Variants in PTPA observed in about 807,000 individuals in gnomAD.
The protein encoded by PTPA is serine/threonine-protein phosphatase 2A activator.
A neutral mutation model predicts 43.6 loss-of-function variants in PTPA; 13 were observed. That is an observed-to-expected ratio of 0.30 (90% CI 0.19 to 0.47). PTPA has a LOEUF of 0.47. PTPA is among the 20% of genes least tolerant of loss of function. PTPA has a pLI of 0.99. For missense variants in PTPA, 329 were observed against 411.9 expected (o/e 0.80, Z 1.74); for synonymous variants, 172 against 158.2 (o/e 1.09, Z -0.66).
intron 9 of PTPA, chr9:129,143,624 A>G: frequency 1.7e-6 from 1 of 592,712 alleles, no homozygotes; most frequent in Non-Finnish European, 3.0e-6. Flanking sequence ...TGAGGCTTGA[A>G]CTGAACAGAC....
At chr9:129,142,728 T>C (rs1315277854) in intron 9 of PTPA, 176 bp downstream of exon 9, 3 of 1,538,198 alleles carry the variant, frequency 2.0e-6, no homozygotes, top group Non-Finnish European at 2.6e-6. Context: ...ATCTGGGGCA[T>C]GGGCAGTCAG....
At chr9:129,133,105 G>A (rs1850093837) in intron 5 of PTPA, among the ~76,000 whole-genome samples, 1 of 152,210 alleles carries the variant, frequency 6.6e-6, no homozygotes, top group Admixed American at 6.5e-5. Context: ...AAATAGAGAA[G>A]GGAGGCGTTC....
chr9:129,123,189 A>C, intron 3 of PTPA, 51 bp downstream of exon 3: 2 of 1,489,990 alleles, frequency 1.3e-6, no homozygotes. Flanking sequence ...ATAGCTCCAG[A>C]GTCACTGGGT....
chr9:129,122,467 T>C (rs531822208), intron 2 of PTPA, among the ~76,000 whole-genome samples: 3 of 152,308 alleles, frequency 2.0e-5, no homozygotes, highest in South Asian at 2.1e-4. Context: ...GAGTGTCTAG[T>C]TGAAAGCTGG....
Position 129,134,704 on chromosome 9 carries a change from G to A in PTPA, c.461-91G>A, listed in dbSNP as rs1850236332. On this transcript the variant is annotated intron_variant, in intron 5 of 9. Coordinates refer to ENST00000393370, the MANE Select transcript of PTPA (RefSeq NM_178000.3). ...CATGTTGACCACCCTCCTCAGAGGG[G>A]CACTTATCAATGATTCGGATTCTGG... The A allele has an allele frequency of 5.0e-6, 5 of 1,008,828 alleles. No homozygotes were observed. In the Admixed American group the frequency reaches 1.0e-4, roughly 21 times the overall value. 62.5% of individuals were successfully genotyped at this position (1,008,828 alleles called of 1,614,324 possible).
chr9:129,132,901 C>T (rs1489139637), intron 5 of PTPA, among the ~76,000 whole-genome samples: 1 of 152,182 alleles, frequency 6.6e-6, no homozygotes, highest in Non-Finnish European at 1.5e-5. Context: ...TCCCAAAGTG[C>T]TCAGATTACA....
chr9:129,142,691 C>T (rs1564202996), intron 9 of PTPA, 139 bp downstream of exon 9: 1 of 1,545,726 alleles, frequency 6.5e-7, no homozygotes, highest in Admixed American at 2.0e-5. Flanking sequence ...GCCAGCCCCT[C>T]TGACACTTGG....
rs1240476880 is a variant in PTPA, at chr9:129,142,572, T to C, written c.894+20T>C. The C allele has an allele frequency of 2.5e-6, 4 of 1,613,696 alleles. No homozygotes were observed. The highest frequency in any genetic ancestry group is 3.4e-6 in the Non-Finnish European group (4 of 1,179,884). ...GCCGAGGTGAGTGGGGGCTGGCCAG[T>C]GTGCCCGTCCCTGCTGCCGCACTTG... On this transcript the variant is annotated intron_variant, in intron 9 of 9. Transcript: ENST00000393370.
intron 8 of PTPA, 170 bp downstream of exon 8, chr9:129,137,862 C>T (rs745755306): frequency 1.2e-4 from 78 of 677,986 alleles, no homozygotes; most frequent in African/African-American, 1.0e-3. Context: ...CCGAAAGAGC[C>T]GCTGCTGACT....
At chr9:129,143,143 C>T in intron 9 of PTPA, 1 of 603,022 alleles carries the variant, frequency 1.7e-6, no homozygotes, top group South Asian at 2.0e-5. Flanking sequence ...TGGCAGGCAG[C>T]CGAGGGTGTC....
rs369834811 is a variant in PTPA at position 129,123,059 on chromosome 9, C to T, written c.137C>T (p.Ala46Val). The T allele has an allele frequency of 5.0e-6, 8 of 1,609,532 alleles. No homozygotes were observed. The highest frequency in any genetic ancestry group is 4.4e-5 in the South Asian group (4 of 91,032). ...MGKWKRSQAY[A>V]DYIGFILTLN... ...CTCCTCTCTGTTTGGTAGGCATACG[C>T]TGACTACATCGGATTCATCCTTACC... The change falls in exon 3 of 10, where the codon GCT becomes GTT. Residue 46 changes from alanine (A) to valine (V), a missense_variant. By Grantham distance (64) the Ala-to-Val change is moderately conservative (BLOSUM62 0). Coordinates refer to ENST00000393370, the MANE Select transcript of PTPA (RefSeq NM_178000.3).
chr9:129,142,498 C>T lies in PTPA; in HGVS notation c.840C>T (p.Ala280=), dbSNP rs11554659. The T allele has an allele frequency of 3.0e-3, 4,796 of 1,612,260 alleles. 44 individuals carry two copies. The highest frequency in any genetic ancestry group is 0.024 in the Middle Eastern group (145 of 6,056). ...CCAACCAGCTGTGGAACATCAGCGCCGTCCCTTCCTGGTCCAAAGTGAACC... is the reference window on the plus strand; with the variant it reads ...CCAACCAGCTGTGGAACATCAGCGCTGTCCCTTCCTGGTCCAAAGTGAACC... The part of the protein sequence containing the change: ...EHSNQLWNIS[A]VPSWSKVNQG... Residue 280 remains alanine, a synonymous_variant, in exon 9 of 10, where the codon GCC becomes GCT. Transcript: ENST00000393370.
chr9:129,135,625 C>T (rs937696201), intron 6 of PTPA, among the ~76,000 whole-genome samples: 3 of 152,224 alleles, frequency 2.0e-5, no homozygotes, highest in Non-Finnish European at 2.9e-5. Context: ...ACCTGCTGCC[C>T]CACACCACCC....
rs767331737 is a variant in PTPA, at chr9:129,120,465, G to C, written c.32-48G>C. 3 of 1,331,424 alleles carry C rather than the reference G, an allele frequency of 2.3e-6. No individual in the cohort carries two copies. In the South Asian group the frequency reaches 3.7e-5, roughly 16 times the overall value. 82.5% of individuals were successfully genotyped at this position (1,331,424 alleles called of 1,614,324 possible). On this transcript the variant is annotated intron_variant, in intron 1 of 9. Transcript: ENST00000393370. The stretch of plus-strand genomic sequence containing the variant: ...GGTGAAAGGGAGTGTGTGTGTTGTA[G>C]GGGAGGATTCTATTTATCTGTTTGT...
chr9:129,131,488 T>G, intron 4 of PTPA, 34 bp from the exon 5 acceptor site: 3 of 1,599,150 alleles, frequency 1.9e-6, no homozygotes, highest in Non-Finnish European at 1.7e-6. Context: ...CTGCTTAATA[T>G]GCTGCCACCA....
intron 1 of PTPA, among the ~76,000 whole-genome samples, chr9:129,118,206 A>AC (rs1212512790): frequency 6.6e-6 from 1 of 150,868 alleles, no homozygotes; most frequent in African/African-American, 2.4e-5. Context: ...GGTGTGCGCC[A>AC]CCACACTTGG....
intron 5 of PTPA, among the ~76,000 whole-genome samples, chr9:129,133,117 C>CT: frequency 6.6e-6 from 1 of 152,352 alleles, no homozygotes; most frequent in Middle Eastern, 3.4e-3. Flanking sequence ...GAGGCGTTCT[C>CT]TAGGTCAGGG....
intron 8 of PTPA, chr9:129,142,078 C>T (rs1240958639): frequency 5.2e-6 from 1 of 191,942 alleles, no homozygotes; most frequent in Admixed American, 6.1e-5. Flanking sequence ...ACACCAGAAG[C>T]TCAGGTGGAG....
intron 5 of PTPA, among the ~76,000 whole-genome samples, chr9:129,132,041 G>A (rs903143152): frequency 1.4e-4 from 21 of 152,160 alleles, no homozygotes; most frequent in African/African-American, 4.6e-4. Flanking sequence ...TTGCAGTGTC[G>A]TGGCACACCC....
Sources: gnomAD v4.1 joint callset for allele counts (sites outside exome capture counted in the v4.1 genomes callset) on GRCh38, gnomAD v4.1.1 for gene constraint, MANE v1.5 for transcripts, NCBI Gene and HGNC (gene_info 2026-07-23, HGNC 2026-07-21) for gene names.